CASK: variants seen among roughly 807,000 people sequenced by gnomAD.
CASK encodes calcium/calmodulin dependent serine protein kinase.
Under a neutral mutation model 82.9 loss-of-function variants are expected in CASK, and 4 were observed. That is an observed-to-expected ratio of 0.05 (90% CI 0.02 to 0.11). The LOEUF is 0.11. Among genes scored for constraint, CASK ranks in the 10% least tolerant of loss-of-function variants. CASK has a pLI of 1.00. For synonymous variants in CASK, 259 were observed against 253.5 expected, an observed-to-expected ratio of 1.02 and a Z score of -0.20; for missense variants, 358 against 720.9, an observed-to-expected ratio of 0.50 and a Z score of 5.76.
At position 41,787,146 on chromosome X, in the gene CASK, T is replaced by G. The variant is rs1391411500; in HGVS notation, c.278+32A>C. On this transcript the variant is annotated intron_variant, in intron 3 of 26. Transcript: ENST00000378163. ...ATCCAACACCAACATTGCTTCAAGTTTTACCCTTTAAGAATTAAAATACAC... is the reference window on the plus strand; with the variant it reads ...ATCCAACACCAACATTGCTTCAAGTGTTACCCTTTAAGAATTAAAATACAC... The G allele has an allele frequency of 3.5e-6, 3 of 851,248 alleles. No homozygotes were observed. The East Asian group carries it at 9.3e-5, about 27-fold the overall frequency. 70.2% of individuals were successfully genotyped at this position (851,248 alleles called of 1,213,427 possible).
chrX:41,818,145 C>CTGTGTGTGTGTGTGTGTGTGTGTG (rs59931187), intron 2 of CASK, among the ~76,000 whole-genome samples: 1 of 85,422 alleles, frequency 1.2e-5, no homozygotes, highest in Non-Finnish European at 2.3e-5. Context: ...AGGAGGCCTT[C>CTGTGTGTGTGTGTGTGTGTGTGTG]TGTGTGTGTG....
intron 1 of CASK, among the ~76,000 whole-genome samples, chrX:41,864,641 G>A (rs1269509731): frequency 1.8e-5 from 2 of 112,143 alleles, no homozygotes; most frequent in Admixed American, 1.9e-4. Context: ...CTACCCAAAT[G>A]TGGCATGGAA....
intron 2 of CASK, among the ~76,000 whole-genome samples, chrX:41,814,525 G>A (rs901483713): frequency 9.5e-6 from 1 of 105,561 alleles, no homozygotes; most frequent in Non-Finnish European, 1.9e-5. Flanking sequence ...TTCTCTCATA[G>A]GTGGGAATTC....
intron 2 of CASK, among the ~76,000 whole-genome samples, chrX:41,837,596 C>T (rs983340753): frequency 1.8e-5 from 2 of 112,166 alleles, no homozygotes; most frequent in Non-Finnish European, 3.8e-5. Flanking sequence ...TCATACAGTA[C>T]ACGACAATTA....
At chrX:41,816,244 A>G (rs1227953581) in intron 2 of CASK, among the ~76,000 whole-genome samples, 1 of 112,360 alleles carries the variant, frequency 8.9e-6, no homozygotes, top group African/African-American at 3.2e-5. Context: ...AACACAGTCA[A>G]CTCATCAAGA....
chrX:41,569,305 TAGTAATCTAATACAG>T (rs773851210), intron 16 of CASK, among the ~76,000 whole-genome samples: 2 of 111,826 alleles, frequency 1.8e-5, no homozygotes, highest in South Asian at 7.5e-4. Flanking sequence ...TCCCCGTAAG[TAGTAATCTAATACAG>T]AGATGCTCTG....
intron 1 of CASK, among the ~76,000 whole-genome samples, chrX:41,862,662 T>C (rs1329123102): frequency 9.1e-6 from 1 of 109,375 alleles, no homozygotes; most frequent in African/African-American, 3.3e-5. Context: ...CAAAGATCAC[T>C]ATGACAGAGA....
At chrX:41,882,752 C>G (rs2071974840) in intron 1 of CASK, among the ~76,000 whole-genome samples, 1 of 111,329 alleles carries the variant, frequency 9.0e-6, no homozygotes, top group Non-Finnish European at 1.9e-5. Flanking sequence ...TATATATTAA[C>G]AGGATCACAC....
At chrX:41,614,680 C>A (rs981933432) in intron 11 of CASK, among the ~76,000 whole-genome samples, 1 of 111,353 alleles carries the variant, frequency 9.0e-6, no homozygotes, top group African/African-American at 3.3e-5. Flanking sequence ...TGCCAACACG[C>A]CCAGCTAATT....
chrX:41,614,887 C>T (rs182704126), intron 11 of CASK, among the ~76,000 whole-genome samples: 18 of 110,626 alleles, frequency 1.6e-4, no homozygotes, highest in Admixed American at 1.5e-3. Flanking sequence ...GGCACAATCT[C>T]GGCTCACTGC....
Position 41,829,606 on chromosome X carries a change from GT to G in CASK, c.172+23508del, listed in dbSNP as rs202150344. The stretch of plus-strand genomic sequence containing the variant: ...TAAAAGAATTCTTGTACATGTTTTT[GT>G]TTTTTTTTTTTTTGGGGGGGTGGGG... On this transcript the variant is annotated intron_variant, in intron 2 of 26. Coordinates refer to ENST00000378163, the MANE Select transcript of CASK (RefSeq NM_001367721.1). Among the ~76,000 whole-genome samples, 91 of 15,126 alleles carry G rather than the reference GT, an allele frequency of 6.0e-3. 2 individuals carry two copies. Among genetic ancestry groups the G allele is most frequent in the South Asian group, 0.012 (2 of 167 alleles). The allele number at this position is 15,126 out of a possible 115,157, so 13.1% of individuals were successfully genotyped here.
At position 41,714,381 on chromosome X, in the gene CASK, A is replaced by C. The variant is rs60752695; in HGVS notation, c.429+25003T>G. ...TGAGAAAATTAAGGTAAGTTGGTAC[A>C]TTTGAACACACTTTACATGAAGTGG... On this transcript the variant is annotated intron_variant, in intron 5 of 26. Coordinates refer to ENST00000378163, the MANE Select transcript of CASK (RefSeq NM_001367721.1). Among the ~76,000 whole-genome samples, 599 of 112,028 alleles carry C rather than the reference A, an allele frequency of 5.3e-3. 4 individuals carry two copies. The highest frequency in any genetic ancestry group is 0.019 in the African/African-American group (581 of 30,836).
chrX:41,532,047 G>A (rs12860043), intron 24 of CASK, among the ~76,000 whole-genome samples: 13,397 of 111,157 alleles, frequency 0.12, 774 homozygotes, highest in Middle Eastern at 0.17. Context: ...AGATTCTTGT[G>A]CCCTCAGCCT....
intron 1 of CASK, among the ~76,000 whole-genome samples, chrX:41,893,497 A>G (rs915143202): frequency 1.8e-5 from 2 of 112,125 alleles, no homozygotes; most frequent in African/African-American, 6.5e-5. Flanking sequence ...GGTTGTATCC[A>G]TTTGGAGGGC....
rs180968743 is a variant in CASK, at chrX:41,715,645, T to C, written c.429+23739A>G. Among the ~76,000 whole-genome samples, 339 of 105,667 alleles carry C rather than the reference T, an allele frequency of 3.2e-3. 3 individuals are homozygous for C. The highest frequency in any genetic ancestry group is 0.011 in the African/African-American group (315 of 28,919). The allele number at this position is 105,667 out of a possible 115,157, so 91.8% of individuals were successfully genotyped here. On this transcript the variant is annotated intron_variant, in intron 5 of 26. Transcript: ENST00000378163. Reference sequence around the variant, plus strand: ...CTTGAAAAAAAAAAAAAAAAGATCCTGGTTCAGAAAGTGATTGATATCACA... The same window carrying C: ...CTTGAAAAAAAAAAAAAAAAGATCCCGGTTCAGAAAGTGATTGATATCACA...
intron 5 of CASK, among the ~76,000 whole-genome samples, chrX:41,716,186 G>A (rs1008720883): frequency 8.9e-6 from 1 of 112,184 alleles, no homozygotes; most frequent in Non-Finnish European, 1.9e-5. Flanking sequence ...AGAAGATATT[G>A]CACAGATTTG....
intron 5 of CASK, chrX:41,676,615 T>C: frequency 1.9e-6 from 1 of 524,896 alleles, no homozygotes; most frequent in East Asian, 3.6e-5. Context: ...CTGGGTTTTA[T>C]GTTGAGCGAG....
chrX:41,609,383 G>A (rs1410625332), intron 12 of CASK, among the ~76,000 whole-genome samples: 1 of 111,363 alleles, frequency 9.0e-6, no homozygotes, highest in Non-Finnish European at 1.9e-5. Flanking sequence ...CCAAAGTGCT[G>A]GGATTACAGG....
At chrX:41,569,532 A>C in intron 16 of CASK, 136 bp downstream of exon 16, 1 of 461,313 alleles carries the variant, frequency 2.2e-6, no homozygotes, top group Non-Finnish European at 3.8e-6. Flanking sequence ...GCTTGCACTT[A>C]GGAGCTCAAG....
Sources: gnomAD v4.1 joint callset for allele counts (sites outside exome capture counted in the v4.1 genomes callset) on GRCh38, gnomAD v4.1.1 for gene constraint, MANE v1.5 for transcripts, NCBI Gene and HGNC (gene_info 2026-07-23, HGNC 2026-07-21) for gene names.